The following ARHGEF10L variants were observed in gnomAD, a reference collection of about 807,000 sequenced individuals.
ARHGEF10L encodes the protein rho guanine nucleotide exchange factor 10-like protein.
A neutral mutation model predicts 141.2 loss-of-function variants in ARHGEF10L; 69 were observed. That is an observed-to-expected ratio of 0.49 (90% confidence interval 0.40 to 0.60). The LOEUF is 0.60. Among genes scored for constraint, ARHGEF10L ranks in the 20% least tolerant of loss-of-function variants. The probability of loss-of-function intolerance (pLI) is 0.00; values close to 1 mark genes in which losing one functional copy is unlikely to be tolerated. For missense variants in ARHGEF10L, 1,482 were observed against 1,734.3 expected (o/e 0.85, Z 2.58); for synonymous variants, 711 against 718.5 (o/e 0.99, Z 0.17).
rs11585339 is a variant in ARHGEF10L at position 17,673,625 on chromosome 1, T to C, written c.3009+9030T>C. 0.23 allele frequency among the ~76,000 whole-genome samples: 34,421 copies of C among 151,954 alleles called. 4,611 individuals are homozygous for C. Among genetic ancestry groups the C allele is most frequent in the African/African-American group, 0.37 (15,143 of 41,390 alleles). On this transcript the variant is annotated intron_variant, in intron 26 of 28. Transcript: ENST00000361221. The surrounding 1 kb of genome is among the most constrained non-coding windows in gnomAD (Gnocchi z 4.1). ...GTCCTCTGTGAGCCTGGCAGCGGGG[T>C]AGCAGGGAAGGTCCACAGGAGGCAA...
chr1:17,546,751 AC>A (rs1437041485), intron 1 of ARHGEF10L, among the ~76,000 whole-genome samples: 1 of 152,020 alleles, frequency 6.6e-6, no homozygotes, highest in African/African-American at 2.4e-5. Context: ...TGGGTTTGTT[AC>A]CTTGTGGCTC....
rs892416847 is a variant in ARHGEF10L at position 17,656,713 on chromosome 1, G to C, written c.2860+5G>C. 6.2e-7 allele frequency: 1 copy of C among 1,609,006 alleles called. No homozygotes were observed. The highest frequency in any genetic ancestry group is 8.5e-7 in the Non-Finnish European group (1 of 1,177,434). Reference sequence around the variant, plus strand: ...CTGCTTACCCTCGGACCAGCGGTGAGGACTGGGGGGAATGGGGGAAGGGGG... The same window carrying C: ...CTGCTTACCCTCGGACCAGCGGTGACGACTGGGGGGAATGGGGGAAGGGGG... On this transcript the variant is annotated splice_donor_5th_base_variant and intron_variant, in intron 25 of 28. Transcript: ENST00000361221. The surrounding 1 kb of genome is among the most constrained non-coding windows in gnomAD (Gnocchi z 4.9).
At chr1:17,559,954 T>G (rs571847039) in intron 1 of ARHGEF10L, among the ~76,000 whole-genome samples, 299 of 152,244 alleles carry the variant, frequency 2.0e-3, no homozygotes, top group African/African-American at 6.9e-3. Flanking sequence ...TTCTCAGGGT[T>G]GGGTGACTCA....
In ARHGEF10L at chr1:17,638,642, G is replaced by A. The variant is rs1209437788; in HGVS notation, c.2124G>A (p.Ser708=). Residue 708 remains serine (S), a synonymous_variant, in exon 20 of 29, where the codon TCG becomes TCA. Transcript: ENST00000361221. ...LMRVKEEEIH[S]ANKCRLRLLL... ...GGGTGAAGGAGGAAGAGATCCACTC[G>A]GCCAACAAGTGCCGTCTCAGGCTCC... is the stretch of plus-strand genomic sequence containing the variant. 5.6e-6 allele frequency: 9 copies of A among 1,614,014 alleles called. No homozygotes were observed. The highest frequency in any genetic ancestry group is 2.2e-5 in the East Asian group (1 of 44,880).
At chr1:17,543,611 A>G (rs2076809930) in intron 1 of ARHGEF10L, among the ~76,000 whole-genome samples, 1 of 152,074 alleles carries the variant, frequency 6.6e-6, no homozygotes, top group East Asian at 1.9e-4. Flanking sequence ...TTGAGTGTAT[A>G]CATTCATCAT....
At chr1:17,579,293 T>C (rs763164134) in intron 1 of ARHGEF10L, among the ~76,000 whole-genome samples, 2 of 152,188 alleles carry the variant, frequency 1.3e-5, no homozygotes, top group Non-Finnish European at 2.9e-5. Flanking sequence ...AGTGCTGAGA[T>C]ACAGGCGTGA....
chr1:17,651,817 G>A (rs1398368992), intron 22 of ARHGEF10L, among the ~76,000 whole-genome samples: 1 of 152,182 alleles, frequency 6.6e-6, no homozygotes, highest in African/African-American at 2.4e-5. Flanking sequence ...GCTCCCAGAA[G>A]CCAGAGCAGA....
chr1:17,682,671 A>G (rs2064220297), intron 26 of ARHGEF10L, among the ~76,000 whole-genome samples: 1 of 151,976 alleles, frequency 6.6e-6, no homozygotes, highest in Admixed American at 6.6e-5. Context: ...GTGAGCGCTC[A>G]CCCAGTAAAT....
In ARHGEF10L at chr1:17,615,123, T is replaced by G. The variant is rs2059738201; in HGVS notation, c.727-971T>G. Reference sequence around the variant, plus strand: ...TGGGTGCTTCCTCGCACCAGCACATTTCAAGTGCTCAATAGTCGCATGTGG... The same window carrying G: ...TGGGTGCTTCCTCGCACCAGCACATGTCAAGTGCTCAATAGTCGCATGTGG... On this transcript the variant is annotated intron_variant, in intron 8 of 28. Transcript: ENST00000361221. This position sits in a 1 kb window ranked among gnomAD's most constrained non-coding sequence, Gnocchi z 4.7. 2.6e-5 allele frequency: 4 copies of G among 152,216 alleles called. No homozygotes were observed. Among genetic ancestry groups the G allele is most frequent in the African/African-American group, 9.6e-5 (4 of 41,452 alleles). 9.4% of individuals were successfully genotyped at this position (152,216 alleles called of 1,614,324 possible). A position where few individuals can be genotyped will look rare whatever the true frequency, so the allele number is the denominator to read the frequency against.
intron 4 of ARHGEF10L, among the ~76,000 whole-genome samples, chr1:17,591,999 C>T (rs1027323506): frequency 6.6e-6 from 1 of 152,214 alleles, no homozygotes. Flanking sequence ...GGGACTAGGC[C>T]TGTCTGCCCT....
At chr1:17,577,896 C>T (rs2078289911) in intron 1 of ARHGEF10L, among the ~76,000 whole-genome samples, 1 of 152,136 alleles carries the variant, frequency 6.6e-6, no homozygotes, top group Non-Finnish European at 1.5e-5. Context: ...AGGCTCCATA[C>T]ATGTTGGTGT....
At chr1:17,684,040 C>T (rs34820073) in intron 26 of ARHGEF10L, among the ~76,000 whole-genome samples, 21,750 of 152,212 alleles carry the variant, frequency 0.14, 1,683 homozygotes, top group Non-Finnish European at 0.16. Context: ...CAAGGAGCTG[C>T]GTGCTGTGTT....
intron 2 of ARHGEF10L, among the ~76,000 whole-genome samples, 195 bp from the exon 3 acceptor site, chr1:17,587,265 G>A (rs1187788705): frequency 1.3e-5 from 2 of 152,138 alleles, no homozygotes; most frequent in African/African-American, 4.8e-5. Flanking sequence ...CACTTGCTTA[G>A]AGACCTAACC....
intron 18 of ARHGEF10L, 136 bp downstream of exon 18, chr1:17,635,152 T>C (rs890334057): frequency 1.8e-6 from 2 of 1,084,730 alleles, no homozygotes; most frequent in African/African-American, 3.2e-5. Flanking sequence ...CAGGAAGCTC[T>C]TGCTGGTTTT....
In ARHGEF10L at chr1:17,672,138, A is replaced by G. The variant is rs188263945; in HGVS notation, c.3009+7543A>G. Among the ~76,000 whole-genome samples the G allele has an allele frequency of 4.6e-3, 694 of 152,164 alleles. 10 individuals are homozygous for G. The highest frequency in any genetic ancestry group is 0.015 in the African/African-American group (605 of 41,502). ...TTTTTGTCCCTAAGCAGGACAGAGA[A>G]GAAACTTCTCTGGGCTCCTGAACAC... On this transcript the variant is annotated intron_variant, in intron 26 of 28. Transcript: ENST00000361221.
the ARHGEF10L span, among the ~76,000 whole-genome samples, chr1:17,523,263 A>T: frequency 6.6e-6 from 1 of 151,498 alleles, no homozygotes; most frequent in Non-Finnish European, 1.5e-5. Context: ...TAATTTTTGT[A>T]TTCTCAGTAG....
intron 1 of ARHGEF10L, among the ~76,000 whole-genome samples, chr1:17,565,058 T>A (rs1020056648): frequency 7.2e-5 from 11 of 152,178 alleles, no homozygotes; most frequent in Non-Finnish European, 1.3e-4. Flanking sequence ...TTTCTCAAAG[T>A]TCTGAAGGCT....
rs115661584 is a variant in ARHGEF10L at position 17,689,038 on chromosome 1, G to A, written c.3184+1291G>A. 1.8e-3 allele frequency among the ~76,000 whole-genome samples: 278 copies of A among 152,176 alleles called. 2 individuals carry two copies. Among genetic ancestry groups the A allele is most frequent in the Middle Eastern group, 6.8e-3 (2 of 294 alleles). The stretch of plus-strand genomic sequence containing the variant: ...GGATCTCATTTCACCCTAACCCTGC[G>A]AGCTGGGGATTATCCCCACATTACA... On this transcript the variant is annotated intron_variant, in intron 27 of 28. Coordinates refer to ENST00000361221, the MANE Select transcript of ARHGEF10L (RefSeq NM_018125.4).
intron 1 of ARHGEF10L, among the ~76,000 whole-genome samples, chr1:17,561,189 C>T (rs1302281894): frequency 6.6e-6 from 1 of 152,252 alleles, no homozygotes; most frequent in Non-Finnish European, 1.5e-5. Flanking sequence ...TGCCCAGAAC[C>T]TCAGATGACT....
Sources: gnomAD v4.1 joint callset for allele counts (sites outside exome capture counted in the v4.1 genomes callset) on GRCh38, gnomAD v4.1.1 for gene constraint, Gnocchi (gnomAD v3.1) non-coding constraint, MANE v1.5 for transcripts, NCBI Gene and HGNC (gene_info 2026-07-23, HGNC 2026-07-21) for gene names.